The following ENTPD4 variants were observed in gnomAD, a reference collection of about 807,000 sequenced individuals.
The protein encoded by ENTPD4 is ectonucleoside triphosphate diphosphohydrolase 4, also known as Golgi UDPase.
ENTPD4 carries 60 observed loss-of-function variants against 79.1 expected under a neutral mutation model. The ratio of observed to expected loss-of-function variants is 0.76; its 90% confidence interval spans 0.62 to 0.94. ENTPD4 has a LOEUF of 0.94. Ranked by LOEUF, ENTPD4 falls within the 40% of genes least tolerant of loss-of-function variation. The pLI is 0.00. For synonymous variants in ENTPD4, 276 were observed against 292.0 expected, an observed-to-expected ratio of 0.95 and a Z score of 0.56; for missense variants, 772 against 775.1, an observed-to-expected ratio of 1.00 and a Z score of 0.05.
intron 8 of ENTPD4, 138 bp downstream of exon 8, chr8:23,441,431 C>A: frequency 4.7e-6 from 7 of 1,477,040 alleles, no homozygotes; most frequent in Non-Finnish European, 6.3e-6. Context: ...CGTCCTGTCT[C>A]CTTTCTCCTG....
chr8:23,441,422 G>T, intron 8 of ENTPD4, 147 bp downstream of exon 8: 1 of 1,462,312 alleles, frequency 6.8e-7, no homozygotes, highest in South Asian at 1.5e-5. Context: ...TGCCTTGTTC[G>T]TCCTGTCTCC....
At chr8:23,452,346 C>T (rs1800879545) in intron 1 of ENTPD4, among the ~76,000 whole-genome samples, 1 of 152,112 alleles carries the variant, frequency 6.6e-6, no homozygotes, top group East Asian at 1.9e-4. Flanking sequence ...GTGACATTTC[C>T]AAAACAAACA....
In ENTPD4 at chr8:23,448,882, C is replaced by T. The variant is rs1374575991; in HGVS notation, c.66G>A (p.Gly22=). The change falls in exon 3 of 13, where the codon GGG becomes GGA. Residue 22 remains glycine, a synonymous_variant. Coordinates refer to ENST00000358689, the MANE Select transcript of ENTPD4 (RefSeq NM_004901.5). ...AATTGGTATTCAGAATTCGAGGACA[C>T]CCTACTGGAGATATGCTAAAATGCC... is the stretch of plus-strand genomic sequence containing the variant. ...ASWHFSISPV[G]CPRILNTNLR... 3.7e-6 allele frequency: 6 copies of T among 1,613,880 alleles called. No individual in the cohort carries two copies. The highest frequency in any genetic ancestry group is 2.2e-5 in the South Asian group (2 of 91,074).
intron 10 of ENTPD4, 97 bp downstream of exon 10, chr8:23,436,837 C>T (rs915746245): frequency 2.8e-5 from 28 of 993,236 alleles, no homozygotes; most frequent in South Asian, 4.7e-5. Flanking sequence ...TTCTATACTC[C>T]GTCTTTCCCT....
intron 1 of ENTPD4, among the ~76,000 whole-genome samples, chr8:23,453,185 T>G (rs996386603): frequency 6.6e-6 from 1 of 152,208 alleles, no homozygotes; most frequent in Non-Finnish European, 1.5e-5. Context: ...AAAAATCACT[T>G]TAATTAGTTC....
In ENTPD4 at chr8:23,430,505, G is replaced by A. The variant is rs1800436045; in HGVS notation, c.*2421C>T. ...AACTGCATTGTTCTCACAAGGACCA[G>A]CAAACTTTTTCTGTAAATATTTTAG... On this transcript the variant is annotated 3_prime_UTR_variant, in exon 13 of 13. Transcript: ENST00000358689. 1.0e-6 allele frequency: 1 copy of A among 985,312 alleles called. No individual in the cohort carries two copies. The highest frequency in any genetic ancestry group is 1.2e-6 in the Non-Finnish European group (1 of 829,838). 61.0% of individuals were successfully genotyped at this position (985,312 alleles called of 1,614,324 possible).
intron 9 of ENTPD4, among the ~76,000 whole-genome samples, chr8:23,437,671 T>C (rs1800593394): frequency 6.6e-6 from 1 of 152,236 alleles, no homozygotes; most frequent in Non-Finnish European, 1.5e-5. Flanking sequence ...GCAGGTTAGA[T>C]GCTTTAGAAA....
intron 8 of ENTPD4, 64 bp downstream of exon 8, chr8:23,441,505 G>C: frequency 1.3e-6 from 2 of 1,585,022 alleles, no homozygotes; most frequent in Non-Finnish European, 1.7e-6. Flanking sequence ...AACAAAACAA[G>C]AACGATGGAC....
chr8:23,433,717 C>T (rs771151397), intron 12 of ENTPD4, among the ~76,000 whole-genome samples: 1 of 152,194 alleles, frequency 6.6e-6, no homozygotes, highest in African/African-American at 2.4e-5. Flanking sequence ...CTATCATTAG[C>T]GTTGGCAGCA....
chr8:23,442,527 T>C (rs989991506), intron 6 of ENTPD4, among the ~76,000 whole-genome samples: 5 of 151,942 alleles, frequency 3.3e-5, no homozygotes, highest in Non-Finnish European at 5.9e-5. Flanking sequence ...CTACTAAAAA[T>C]ACAAAAATTA....
chr8:23,443,946 T>A lies in ENTPD4; in HGVS notation c.571A>T (p.Lys191Ter). ...GMRILPESQQKAILEDLLTDI... is the reference protein window; with the variant it reads ...GMRILPESQQ ...GTCAGAAGGTCTTCCAGAATAGCTT[T>A]CTGCTGGCTGTAAAGTAATAAAAAC... The change falls in exon 6 of 13, where the codon AAA becomes TAA. Residue 191 changes from lysine (K) to a stop codon, truncating the protein, a stop_gained. Coordinates refer to ENST00000358689, the MANE Select transcript of ENTPD4 (RefSeq NM_004901.5). LOFTEE classifies it high-confidence loss of function. 1 of 1,608,308 alleles carries A rather than the reference T, an allele frequency of 6.2e-7. No individual in the cohort carries two copies. The highest frequency in any genetic ancestry group is 8.5e-7 in the Non-Finnish European group (1 of 1,175,242).
In ENTPD4 at chr8:23,430,238, C is replaced by T. The variant is rs61747487; in HGVS notation, c.*2688G>A. On this transcript the variant is annotated 3_prime_UTR_variant, in exon 13 of 13. Transcript: ENST00000358689. Reference sequence around the variant, plus strand: ...TGCTGCGACTGCAGACATCTCCATACGGCATAATGAACTCCCTTGAGTGGT... The same window carrying T: ...TGCTGCGACTGCAGACATCTCCATATGGCATAATGAACTCCCTTGAGTGGT... 1,339 of 985,400 alleles carry T rather than the reference C, an allele frequency of 1.4e-3. 13 individuals carry two copies. The African/African-American group carries it at 0.021, about 15-fold the overall frequency. 61.0% of individuals were successfully genotyped at this position (985,400 alleles called of 1,614,324 possible).
chr8:23,450,313 T>C (rs957550287), intron 1 of ENTPD4, among the ~76,000 whole-genome samples: 1 of 152,104 alleles, frequency 6.6e-6, no homozygotes, highest in African/African-American at 2.4e-5. Flanking sequence ...GGGGTGGAGG[T>C]AGGAGAAAGG....
intron 5 of ENTPD4, 42 bp from the exon 6 acceptor site, chr8:23,443,995 C>A: frequency 7.5e-7 from 1 of 1,339,018 alleles, no homozygotes; most frequent in Non-Finnish European, 1.1e-6. Context: ...AAGATTACAG[C>A]TTGGTATCTT....
chr8:23,453,586 T>C (rs569204154), intron 1 of ENTPD4, among the ~76,000 whole-genome samples: 6 of 152,042 alleles, frequency 3.9e-5, no homozygotes, highest in Non-Finnish European at 5.9e-5. Context: ...TTCAGATAAA[T>C]AGAAATAAAA....
rs571254301 is a variant in ENTPD4 at position 23,434,265 on chromosome 8, T to TA, written c.1622+51dup. 1.4e-3 allele frequency: 2,248 copies of TA among 1,602,440 alleles called. 5 individuals are homozygous for TA. Among genetic ancestry groups the TA allele is most frequent in the Non-Finnish European group, 1.8e-3 (2,116 of 1,171,632 alleles). On this transcript the variant is annotated intron_variant, in intron 12 of 12. Coordinates refer to ENST00000358689, the MANE Select transcript of ENTPD4 (RefSeq NM_004901.5). ...AGACCACAGCTGCCATGAGGTGCTG[T>TA]AACTGCAGAAAAGCATCTTTTTGAT...
intron 1 of ENTPD4, among the ~76,000 whole-genome samples, chr8:23,451,688 A>G (rs1289154674): frequency 2.0e-5 from 3 of 152,032 alleles, no homozygotes; most frequent in Non-Finnish European, 2.9e-5. Flanking sequence ...AGCCACACCA[A>G]TGTTCCGAGT....
In ENTPD4 at chr8:23,436,914, A is replaced by G. The variant is rs746077342; in HGVS notation, c.1374+20T>C. ...GGTCTCTCAAAAGCATGCAGAGCAG[A>G]CGGCGTCTCTCAAGGGTACCTTTGC... On this transcript the variant is annotated intron_variant, in intron 10 of 12. Transcript: ENST00000358689. The G allele has an allele frequency of 6.4e-7, 1 of 1,551,526 alleles. No individual in the cohort carries two copies. The highest frequency in any genetic ancestry group is 8.7e-7 in the Non-Finnish European group (1 of 1,146,772).
At chr8:23,440,648 G>C (rs1800652558) in intron 8 of ENTPD4, among the ~76,000 whole-genome samples, 1 of 152,302 alleles carries the variant, frequency 6.6e-6, no homozygotes, top group African/African-American at 2.4e-5. Flanking sequence ...AATTTACAAA[G>C]CATTTTTCCA....
Sources: gnomAD v4.1 joint callset for allele counts (sites outside exome capture counted in the v4.1 genomes callset) on GRCh38, gnomAD v4.1.1 for gene constraint, MANE v1.5 for transcripts, NCBI Gene and HGNC (gene_info 2026-07-23, HGNC 2026-07-21) for gene names.